Variants in EMC8 observed in about 807,000 individuals in gnomAD.
EMC8 encodes the protein ER membrane protein complex subunit 8, also known as COX4 neighbor.
In EMC8, 11 loss-of-function variants were observed where a neutral mutation model predicts 24.3. The ratio of observed to expected loss-of-function variants is 0.45; its 90% confidence interval spans 0.28 to 0.75. The LOEUF is 0.75. Among genes scored for constraint, EMC8 ranks in the 30% least tolerant of loss-of-function variants. The pLI is 0.12. For missense variants in EMC8, 277 were observed against 282.7 expected, an observed-to-expected ratio of 0.98 and a Z score of 0.14; for synonymous variants, 145 against 117.7, an observed-to-expected ratio of 1.23 and a Z score of -1.50.
At chr16:85,785,187 T>G (rs1478156607) in intron 2 of EMC8, 1 of 152,314 alleles carries the variant, frequency 6.6e-6, no homozygotes, top group Non-Finnish European at 1.5e-5. Flanking sequence ...GCTCAAGAAA[T>G]CCTCCTGCCT....
chr16:85,793,954 AT>A (rs67026058), intron 1 of EMC8, among the ~76,000 whole-genome samples: 3,099 of 152,278 alleles, frequency 0.02, 111 homozygotes, highest in African/African-American at 0.07. Flanking sequence ...AAATGCAAGG[AT>A]TTTTTTAATG....
intron 1 of EMC8, among the ~76,000 whole-genome samples, chr16:85,792,194 T>G (rs1363866083): frequency 6.6e-6 from 1 of 152,226 alleles, no homozygotes; most frequent in Non-Finnish European, 1.5e-5. Context: ...ATGATTCCTA[T>G]GACAAACACA....
rs1277417055 is a variant in EMC8, at chr16:85,778,698, G to A, written c.*1010C>T. 1 of 152,192 alleles carries A rather than the reference G, an allele frequency of 6.6e-6. No individual in the cohort carries two copies. Among genetic ancestry groups the A allele is most frequent in the Non-Finnish European group, 1.5e-5 (1 of 68,036 alleles). The allele number at this position is 152,192 out of a possible 1,614,324, so 9.4% of individuals were successfully genotyped here. Reference sequence around the variant, plus strand: ...TTCCTATGTGTTAAGAGAAAATAGTGACCGCTGTATCACAAACCCTTTCAG... The same window carrying A: ...TTCCTATGTGTTAAGAGAAAATAGTAACCGCTGTATCACAAACCCTTTCAG... On this transcript the variant is annotated 3_prime_UTR_variant, in exon 5 of 5. Coordinates refer to ENST00000253457, the MANE Select transcript of EMC8 (RefSeq NM_006067.5).
At chr16:85,797,536 G>C (rs531858546) in intron 1 of EMC8, among the ~76,000 whole-genome samples, 1 of 152,194 alleles carries the variant, frequency 6.6e-6, no homozygotes. Flanking sequence ...TATCATCTAA[G>C]TATTATAATC....
Position 85,795,424 on chromosome 16 carries a change from G to A in EMC8, c.231+3641C>T, listed in dbSNP as rs147390999. Among the ~76,000 whole-genome samples, 89 of 152,250 alleles carry A rather than the reference G, an allele frequency of 5.8e-4. 2 individuals carry two copies. In the East Asian group the frequency reaches 0.013, roughly 21 times the overall value. ...TTCCTCCCCGTTCCTGGCTCCTCACGGCCCTGGTTAGTCTTTTGATAGAAT... is the reference window on the plus strand; with the variant it reads ...TTCCTCCCCGTTCCTGGCTCCTCACAGCCCTGGTTAGTCTTTTGATAGAAT... On this transcript the variant is annotated intron_variant, in intron 1 of 4. Transcript: ENST00000253457.
chr16:85,787,469 G>A (rs1298598071), intron 2 of EMC8: 1 of 152,296 alleles, frequency 6.6e-6, no homozygotes, highest in Non-Finnish European at 1.5e-5. Context: ...AGAGGGCTGC[G>A]CTTTCCTCAG....
At chr16:85,782,179 C>A (rs1055092281) in intron 2 of EMC8, among the ~76,000 whole-genome samples, 1 of 152,222 alleles carries the variant, frequency 6.6e-6, no homozygotes, top group African/African-American at 2.4e-5. Flanking sequence ...CCTTCTCCAT[C>A]TGCACGCTAG....
At chr16:85,793,899 C>A (rs1035518477) in intron 1 of EMC8, among the ~76,000 whole-genome samples, 5 of 151,842 alleles carry the variant, frequency 3.3e-5, no homozygotes, top group African/African-American at 1.2e-4. Context: ...AGTTAATAGG[C>A]GTAAGTACTT....
At chr16:85,791,804 G>A (rs1198451214) in intron 1 of EMC8, among the ~76,000 whole-genome samples, 2 of 151,986 alleles carry the variant, frequency 1.3e-5, no homozygotes, top group East Asian at 3.9e-4. Flanking sequence ...TGACCTTCCT[G>A]CCTCCCCTTT....
chr16:85,786,059 A>G (rs1188465244), intron 2 of EMC8, among the ~76,000 whole-genome samples: 1 of 152,236 alleles, frequency 6.6e-6, no homozygotes, highest in Non-Finnish European at 1.5e-5. Context: ...AGAAAAAGTC[A>G]TCACAGCACT....
chr16:85,798,358 G>T (rs1185097556), intron 1 of EMC8, among the ~76,000 whole-genome samples: 3 of 152,198 alleles, frequency 2.0e-5, no homozygotes. Context: ...CTGACCTCAG[G>T]TGATCCGCCT....
chr16:85,778,782 A>C lies in EMC8; in HGVS notation c.*926T>G, dbSNP rs540022222. On this transcript the variant is annotated 3_prime_UTR_variant, in exon 5 of 5. Coordinates refer to ENST00000253457, the MANE Select transcript of EMC8 (RefSeq NM_006067.5). ...TCAAAGAAAAGACAGTAGGAAAGGT[A>C]CCGCTCTCTGAACTTTGTACAAAAT... 6.6e-6 allele frequency: 1 copy of C among 152,330 alleles called. No individual in the cohort carries two copies. Among genetic ancestry groups the C allele is most frequent in the South Asian group, 2.1e-4 (1 of 4,828 alleles). The allele number at this position is 152,330 out of a possible 1,614,324, so 9.4% of individuals were successfully genotyped here.
intron 1 of EMC8, among the ~76,000 whole-genome samples, chr16:85,789,609 T>G (rs1904910772): frequency 6.6e-6 from 1 of 151,992 alleles, no homozygotes; most frequent in African/African-American, 2.4e-5. Context: ...CTGGCCAATG[T>G]GGAGAAACCC....
chr16:85,793,772 G>A (rs1207123524), intron 1 of EMC8, among the ~76,000 whole-genome samples: 1 of 152,148 alleles, frequency 6.6e-6, no homozygotes, highest in Non-Finnish European at 1.5e-5. Flanking sequence ...AGGGGAAAAG[G>A]GCAGAAAGGG....
chr16:85,781,436 T>G (rs1904492926), intron 2 of EMC8, 156 bp from the exon 3 acceptor site: 4 of 604,562 alleles, frequency 6.6e-6, no homozygotes, highest in African/African-American at 3.7e-5. Context: ...ACTTATTATT[T>G]AATTTTTTGG....
In EMC8 at chr16:85,799,345, G is replaced by A; in HGVS notation, c.-50C>T. On this transcript the variant is annotated 5_prime_UTR_variant, in exon 1 of 5. Transcript: ENST00000253457. This position sits in a 1 kb window ranked among gnomAD's most constrained non-coding sequence, Gnocchi z 4.2. ...CCCCTGGGCGCGCGGCTGAGGCCTG[G>A]ACCCGCTGCCTGGCCGCGCGGCGCC... 8.0e-7 allele frequency: 1 copy of A among 1,256,216 alleles called. No individual in the cohort carries two copies. The highest frequency in any genetic ancestry group is 2.9e-5 in the East Asian group (1 of 34,100). 77.8% of individuals were successfully genotyped at this position (1,256,216 alleles called of 1,614,324 possible).
chr16:85,790,872 G>A (rs1904977235), intron 1 of EMC8, among the ~76,000 whole-genome samples: 1 of 152,086 alleles, frequency 6.6e-6, no homozygotes, highest in Non-Finnish European at 1.5e-5. Context: ...CGTTGTCCGG[G>A]CTGGAGAGCA....
At chr16:85,796,846 C>G (rs146824483) in intron 1 of EMC8, among the ~76,000 whole-genome samples, 1 of 152,186 alleles carries the variant, frequency 6.6e-6, no homozygotes, top group African/African-American at 2.4e-5. Flanking sequence ...TGACTTCTCT[C>G]GAATCCCTTG....
intron 3 of EMC8, chr16:85,780,674 A>C (rs1432023734): frequency 1.2e-5 from 7 of 582,978 alleles, no homozygotes; most frequent in Non-Finnish European, 2.1e-5. Context: ...CAAGTCCTTC[A>C]TTGTTTTTTC....
Sources: allele counts gnomAD v4.1 joint callset (sites outside exome capture counted in the v4.1 genomes callset), GRCh38; gene constraint gnomAD v4.1.1; non-coding constraint Gnocchi (gnomAD v3.1); transcripts MANE v1.5; gene names NCBI Gene and HGNC (gene_info 2026-07-23, HGNC 2026-07-21).